Variants in SPATA17 observed in about 807,000 individuals in gnomAD.
SPATA17 encodes spermatogenesis associated 17.
In SPATA17, 53 loss-of-function variants were observed where a neutral mutation model predicts 62.2. The ratio of observed to expected loss-of-function variants is 0.85; its 90% CI spans 0.68 to 1.07. The LOEUF (loss-of-function observed/expected upper bound fraction) is 1.07, where lower values mean the gene tolerates loss of function less well. Ranked by LOEUF, SPATA17 falls within the 50% of genes least tolerant of loss-of-function variation. The pLI is 0.00. For synonymous variants in SPATA17, 146 were observed against 146.8 expected (o/e 0.99, Z 0.04); for missense variants, 466 against 425.5 (o/e 1.10, Z -0.84).
intron 9 of SPATA17, among the ~76,000 whole-genome samples, chr1:217,805,368 A>G (rs61825828): frequency 0.032 from 4,850 of 152,248 alleles, 111 homozygotes; most frequent in Middle Eastern, 0.065. Context: ...GGTTACTAGG[A>G]ACTTGAGGCA....
intron 9 of SPATA17, among the ~76,000 whole-genome samples, chr1:217,861,588 C>T (rs953429201): frequency 2.0e-5 from 3 of 151,928 alleles, no homozygotes; most frequent in Admixed American, 6.6e-5. Context: ...GTGTTGATTT[C>T]TGATTACCTC....
chr1:217,824,711 T>C (rs1417978258), intron 9 of SPATA17, among the ~76,000 whole-genome samples: 1 of 150,956 alleles, frequency 6.6e-6, no homozygotes, highest in Non-Finnish European at 1.5e-5. Flanking sequence ...AATGTGTTCT[T>C]GGAAAACAAA....
chr1:217,687,522 T>A (rs1433253708), intron 5 of SPATA17, among the ~76,000 whole-genome samples: 5 of 152,222 alleles, frequency 3.3e-5, no homozygotes. Flanking sequence ...ATACTTTTAC[T>A]GTACCTTTTT....
At chr1:217,838,882 A>T (rs1412912588) in intron 9 of SPATA17, among the ~76,000 whole-genome samples, 2 of 152,158 alleles carry the variant, frequency 1.3e-5, no homozygotes, top group Non-Finnish European at 2.9e-5. Context: ...ATCATTATAC[A>T]ATCATAGAAG....
chr1:217,861,488 T>A (rs1675896659), intron 9 of SPATA17, among the ~76,000 whole-genome samples: 1 of 151,618 alleles, frequency 6.6e-6, no homozygotes, highest in African/African-American at 2.4e-5. Flanking sequence ...TTCATGCAGA[T>A]GTCTAAACTC....
chr1:217,660,451 A>G (rs1670541470), intron 3 of SPATA17, among the ~76,000 whole-genome samples: 1 of 152,212 alleles, frequency 6.6e-6, no homozygotes, highest in Non-Finnish European at 1.5e-5. Flanking sequence ...AAGTTGGAAG[A>G]TGTTTGCTAT....
chr1:217,713,729 A>T (rs909891159), intron 5 of SPATA17, among the ~76,000 whole-genome samples: 2 of 152,218 alleles, frequency 1.3e-5, no homozygotes, highest in African/African-American at 4.8e-5. Context: ...GAAACAAACG[A>T]AAGTGTGTAG....
At chr1:217,738,515 C>T (rs545194714) in intron 5 of SPATA17, among the ~76,000 whole-genome samples, 1 of 152,192 alleles carries the variant, frequency 6.6e-6, no homozygotes, top group African/African-American at 2.4e-5. Flanking sequence ...CATTGATTAA[C>T]TTATCTCATC....
Position 217,741,957 on chromosome 1 carries a change from C to T in SPATA17, c.396-18C>T. On this transcript the variant is annotated intron_variant, in intron 5 of 10. Coordinates refer to ENST00000366933, the MANE Select transcript of SPATA17 (RefSeq NM_138796.4). Reference sequence around the variant, plus strand: ...TAACACATAGTATCATAAATAACTGCAGATGGTTTTGATGCAGGAAGGCAC... The same window carrying T: ...TAACACATAGTATCATAAATAACTGTAGATGGTTTTGATGCAGGAAGGCAC... 1 of 1,613,198 alleles carries T rather than the reference C, an allele frequency of 6.2e-7. No homozygotes were observed. Among genetic ancestry groups the T allele is most frequent in the Non-Finnish European group, 8.5e-7 (1 of 1,179,732 alleles).
intron 5 of SPATA17, among the ~76,000 whole-genome samples, chr1:217,705,622 G>A (rs1671716666): frequency 1.3e-5 from 2 of 151,572 alleles, no homozygotes; most frequent in Admixed American, 1.3e-4. Flanking sequence ...TGTATTTTTA[G>A]GAGAGATGGG....
At chr1:217,864,403 A>T (rs1675963811) in intron 10 of SPATA17, among the ~76,000 whole-genome samples, 1 of 152,138 alleles carries the variant, frequency 6.6e-6, no homozygotes, top group Admixed American at 6.6e-5. Context: ...ATTAATTTTT[A>T]AAAATGCCTA....
intron 5 of SPATA17, among the ~76,000 whole-genome samples, chr1:217,714,488 C>CTTGTTTTTTTTTTTTTTT (rs1671952359): frequency 8.2e-6 from 1 of 121,432 alleles, no homozygotes; most frequent in Non-Finnish European, 1.7e-5. Context: ...AAACGTGTTT[C>CTTGTTTTTTTTTTTTTTT]TTTTTTTTTT....
intron 7 of SPATA17, among the ~76,000 whole-genome samples, chr1:217,779,211 G>A (rs1432258616): frequency 1.3e-5 from 2 of 150,812 alleles, no homozygotes; most frequent in African/African-American, 2.4e-5. Flanking sequence ...TGTTTATATA[G>A]AGAATATATA....
chr1:217,849,362 G>T (rs1166855201), intron 9 of SPATA17, among the ~76,000 whole-genome samples: 2 of 152,056 alleles, frequency 1.3e-5, no homozygotes, highest in Non-Finnish European at 2.9e-5. Context: ...GACCAAATCT[G>T]TAGTCAAAGT....
At chr1:217,842,308 T>G (rs182524219) in intron 9 of SPATA17, among the ~76,000 whole-genome samples, 337 of 152,168 alleles carry the variant, frequency 2.2e-3, no homozygotes, top group Non-Finnish European at 3.9e-3. Context: ...AGTATCGAGA[T>G]TATGCTGAAC....
chr1:217,845,003 A>T (rs963573479), intron 9 of SPATA17, among the ~76,000 whole-genome samples: 1 of 152,086 alleles, frequency 6.6e-6, no homozygotes, highest in Non-Finnish European at 1.5e-5. Context: ...TAATTCTTCT[A>T]TTGTAATCTT....
intron 9 of SPATA17, among the ~76,000 whole-genome samples, chr1:217,862,081 A>C (rs1382781605): frequency 6.6e-6 from 1 of 151,890 alleles, no homozygotes. Flanking sequence ...AAAAAAAAAA[A>C]CTCAGCCAAA....
At chr1:217,843,255 CT>C (rs1675450775) in intron 9 of SPATA17, among the ~76,000 whole-genome samples, 1 of 152,070 alleles carries the variant, frequency 6.6e-6, no homozygotes, top group African/African-American at 2.4e-5. Flanking sequence ...TGCAGCCTTA[CT>C]GAGTTTTGAT....
chr1:217,705,183 T>C lies in SPATA17; in HGVS notation c.395+21822T>C, dbSNP rs544409906. 2.0e-5 allele frequency among the ~76,000 whole-genome samples: 3 copies of C among 152,322 alleles called. No homozygotes were observed. In the South Asian group the frequency reaches 6.2e-4, roughly 32 times the overall value. On this transcript the variant is annotated intron_variant, in intron 5 of 10. Transcript: ENST00000366933. ...TGTTGAGCATTTTTTCATATTCATG[T>C]TGGCCACATGAATATCTTCTTTTGA...
Sources: allele counts gnomAD v4.1 joint callset (sites outside exome capture counted in the v4.1 genomes callset), GRCh38; gene constraint gnomAD v4.1.1; transcripts MANE v1.5; gene names NCBI Gene and HGNC (gene_info 2026-07-23, HGNC 2026-07-21).